Variants in DCLK2 observed in about 807,000 individuals in gnomAD.
DCLK2 encodes the protein doublecortin like kinase 2, also known as serine/threonine-protein kinase DCLK2.
DCLK2 carries 31 observed loss-of-function variants against 78.4 expected under a neutral mutation model. The observed-to-expected ratio is 0.40, with a 90% CI of 0.30 to 0.53. DCLK2 has a LOEUF of 0.53. Ranked by LOEUF, DCLK2 falls within the 20% of genes least tolerant of loss-of-function variation. DCLK2 has a pLI of 0.61. For synonymous variants in DCLK2, 407 were observed against 374.9 expected (o/e 1.09, Z -0.99); for missense variants, 872 against 973.7 (o/e 0.90, Z 1.39).
intron 1 of DCLK2, 86 bp downstream of exon 1, chr4:150,079,534 G>A: frequency 1.5e-6 from 2 of 1,342,080 alleles, no homozygotes; most frequent in Non-Finnish European, 2.0e-6. Flanking sequence ...GGAGCCCGCG[G>A]GGTGCTTTCC....
intron 8 of DCLK2, among the ~76,000 whole-genome samples, chr4:150,230,998 G>A (rs1280413387): frequency 6.6e-6 from 1 of 152,166 alleles, no homozygotes; most frequent in African/African-American, 2.4e-5. Context: ...AAATCAGTGT[G>A]GTGCTACTGC....
intron 2 of DCLK2, among the ~76,000 whole-genome samples, chr4:150,155,467 T>G (rs1031043913): frequency 6.6e-6 from 1 of 152,156 alleles, no homozygotes; most frequent in Non-Finnish European, 1.5e-5. Flanking sequence ...AAAGCGCTAG[T>G]TTATGAAAGG....
chr4:150,114,893 C>G (rs1051852176), intron 2 of DCLK2, among the ~76,000 whole-genome samples: 17 of 152,154 alleles, frequency 1.1e-4, no homozygotes, highest in African/African-American at 4.1e-4. Context: ...GATGAATCCC[C>G]CAGGAGTTCT....
intron 10 of DCLK2, among the ~76,000 whole-genome samples, chr4:150,233,032 A>G (rs771015238): frequency 4.6e-5 from 7 of 152,222 alleles, no homozygotes; most frequent in East Asian, 1.9e-4. Context: ...CCACTCTGCT[A>G]TATTTCTCAC....
intron 12 of DCLK2, among the ~76,000 whole-genome samples, chr4:150,242,304 T>C (rs531845530): frequency 6.6e-6 from 1 of 152,192 alleles, no homozygotes; most frequent in African/African-American, 2.4e-5. Flanking sequence ...TCATGAAAGA[T>C]GTAGCATTTG....
intron 2 of DCLK2, among the ~76,000 whole-genome samples, chr4:150,152,927 T>A (rs1163325410): frequency 6.6e-6 from 1 of 152,202 alleles, no homozygotes; most frequent in Admixed American, 6.5e-5. Flanking sequence ...ATAATGAGCT[T>A]GGCAAATGCT....
chr4:150,244,514 G>A (rs564747181), intron 12 of DCLK2, among the ~76,000 whole-genome samples: 10 of 152,210 alleles, frequency 6.6e-5, no homozygotes, highest in Non-Finnish European at 1.5e-4. Flanking sequence ...AAAAGAGAGC[G>A]TGTGCACAAA....
intron 2 of DCLK2, among the ~76,000 whole-genome samples, chr4:150,160,098 T>A (rs1735596796): frequency 6.6e-6 from 1 of 152,060 alleles, no homozygotes; most frequent in Non-Finnish European, 1.5e-5. Context: ...CACTGCAGCC[T>A]TGACCTCCCA....
In DCLK2 at chr4:150,203,790, G is replaced by C; in HGVS notation, c.962-5G>C. On this transcript the variant is annotated splice_polypyrimidine_tract_variant and splice_region_variant and intron_variant, in intron 4 of 15. Coordinates refer to ENST00000296550, the MANE Select transcript of DCLK2 (RefSeq NM_001040260.4). ...CTTCTGTCTTCTTTGTTGTCTCATG[G>C]GCAGTTAATGGAACTCCCAGCAGCC... is the stretch of plus-strand genomic sequence containing the variant. 1 of 1,611,836 alleles carries C rather than the reference G, an allele frequency of 6.2e-7. No homozygotes were observed. Among genetic ancestry groups the C allele is most frequent in the Non-Finnish European group, 8.5e-7 (1 of 1,178,158 alleles).
intron 2 of DCLK2, among the ~76,000 whole-genome samples, chr4:150,181,779 A>C (rs2150282893): frequency 6.6e-6 from 1 of 152,290 alleles, no homozygotes; most frequent in East Asian, 1.9e-4. Flanking sequence ...CAGGAAGCTG[A>C]AAAACATTGC....
chr4:150,213,483 A>G (rs1310497237), intron 5 of DCLK2, among the ~76,000 whole-genome samples: 2 of 152,212 alleles, frequency 1.3e-5, no homozygotes, highest in Non-Finnish European at 2.9e-5. Flanking sequence ...CTAATTCAGC[A>G]TTTATAATAC....
intron 2 of DCLK2, among the ~76,000 whole-genome samples, chr4:150,158,516 A>G (rs1218733076): frequency 6.6e-6 from 1 of 152,184 alleles, no homozygotes; most frequent in Non-Finnish European, 1.5e-5. Context: ...TATTTTGCTT[A>G]CTGGATAGAG....
At chr4:150,152,222 C>T (rs573406123) in intron 2 of DCLK2, among the ~76,000 whole-genome samples, 51 of 137,406 alleles carry the variant, frequency 3.7e-4, no homozygotes, top group Admixed American at 7.2e-4. Context: ...AATAACAAAA[C>T]CCAGTGAGAA....
intron 1 of DCLK2, among the ~76,000 whole-genome samples, chr4:150,088,104 C>A (rs1729771110): frequency 1.3e-5 from 2 of 152,158 alleles, no homozygotes; most frequent in Non-Finnish European, 2.9e-5. Flanking sequence ...TTGAGAGTCT[C>A]TCCCCTGATG....
At chr4:150,240,923 C>T (rs1315736118) in intron 12 of DCLK2, among the ~76,000 whole-genome samples, 3 of 152,076 alleles carry the variant, frequency 2.0e-5, no homozygotes, top group Admixed American at 1.3e-4. Flanking sequence ...AGTGTTCATT[C>T]TTTCATAAAA....
intron 1 of DCLK2, among the ~76,000 whole-genome samples, chr4:150,088,900 T>G (rs888873601): frequency 1.3e-5 from 2 of 152,216 alleles, no homozygotes; most frequent in African/African-American, 4.8e-5. Context: ...AGTAATAAAA[T>G]GGCACATGCG....
At chr4:150,104,045 T>A (rs898130876) in intron 2 of DCLK2, among the ~76,000 whole-genome samples, 1 of 151,900 alleles carries the variant, frequency 6.6e-6, no homozygotes, top group African/African-American at 2.4e-5. Context: ...TGATTCTTGA[T>A]GGGCACAGGG....
intron 13 of DCLK2, among the ~76,000 whole-genome samples, chr4:150,248,011 A>T (rs1274092736): frequency 6.6e-6 from 1 of 152,216 alleles, no homozygotes; most frequent in Non-Finnish European, 1.5e-5. Context: ...TGTGAAACAC[A>T]CTGAATTGCC....
chr4:150,199,722 T>C (rs1009521060), intron 4 of DCLK2, among the ~76,000 whole-genome samples: 1 of 152,368 alleles, frequency 6.6e-6, no homozygotes, highest in African/African-American at 2.4e-5. Context: ...ATGCTTTCTG[T>C]AAAGTATCTT....
Sources: gnomAD v4.1 joint callset for allele counts (sites outside exome capture counted in the v4.1 genomes callset) on GRCh38, gnomAD v4.1.1 for gene constraint, MANE v1.5 for transcripts, NCBI Gene and HGNC (gene_info 2026-07-23, HGNC 2026-07-21) for gene names.